Variants in ZNF322 observed in about 807,000 individuals in gnomAD.
ZNF322 encodes the protein HLA complex group 12.
Under a neutral mutation model 18.3 loss-of-function variants are expected in ZNF322, and 1 was observed. The observed-to-expected ratio is 0.05, with a 90% CI of 0.02 to 0.26. The LOEUF is 0.26. Among genes scored for constraint, ZNF322 ranks in the 10% least tolerant of loss-of-function variants. ZNF322 has a pLI of 1.00. For synonymous variants in ZNF322, 17 were observed against 130.7 expected (o/e 0.13, Z 5.93); for missense variants, 36 against 403.6 (o/e 0.09, Z 7.80).
At position 26,649,836 on chromosome 6, in the gene ZNF322, T is replaced by A. The variant is rs557213236; in HGVS notation, c.-245-6108A>T. Among the ~76,000 whole-genome samples, 13 of 150,526 alleles carry A rather than the reference T, an allele frequency of 8.6e-5. No individual in the cohort carries two copies. In the East Asian group the frequency reaches 2.2e-3, roughly 25 times the overall value. On this transcript the variant is annotated intron_variant, in intron 2 of 3. Transcript: ENST00000415922. ...CTCCTGCCTCAGCCTCCTGAGTAGC[T>A]GGGATTGCAGGCATGCACCACCATG...
At chr6:26,649,675 G>GTGTGTGTA (rs1465971500) in intron 2 of ZNF322, among the ~76,000 whole-genome samples, 13 of 22,950 alleles carry the variant, frequency 5.7e-4, no homozygotes, top group Non-Finnish European at 7.7e-4. Context: ...GTGTGTGTGT[G>GTGTGTGTA]TATATATATA....
rs1364184398 is a variant in ZNF322 at position 26,649,681 on chromosome 6, A to T, written c.-245-5953T>A. 2.3e-3 allele frequency among the ~76,000 whole-genome samples: 78 copies of T among 33,602 alleles called. 3 individuals carry two copies. Among genetic ancestry groups the T allele is most frequent in the African/African-American group, 0.01 (71 of 6,982 alleles). 22.0% of individuals were successfully genotyped at this position (33,602 alleles called of 152,430 possible). A position where few individuals can be genotyped will look rare whatever the true frequency, so the allele number is the denominator to read the frequency against. ...TGTGTGTGTGTGTGTGTGTGTATATATATATATATATATATATATATTTTT... is the reference window on the plus strand; with the variant it reads ...TGTGTGTGTGTGTGTGTGTGTATATTTATATATATATATATATATATTTTT... On this transcript the variant is annotated intron_variant, in intron 2 of 3. Transcript: ENST00000415922.
At chr6:26,644,888 CAT>C (rs1198081776) in intron 2 of ZNF322, among the ~76,000 whole-genome samples, 3 of 152,104 alleles carry the variant, frequency 2.0e-5, no homozygotes, top group Non-Finnish European at 4.4e-5. Context: ...CCTATGTAAA[CAT>C]GTGCTATACC....
At chr6:26,639,166 T>G (rs1554148098) in intron 3 of ZNF322, among the ~76,000 whole-genome samples, 4 of 152,200 alleles carry the variant, frequency 2.6e-5, no homozygotes, top group African/African-American at 9.6e-5. Flanking sequence ...TTTCTATGAC[T>G]CTAATTCGTA....
intron 2 of ZNF322, among the ~76,000 whole-genome samples, chr6:26,647,399 T>C (rs1765575897): frequency 6.6e-6 from 1 of 151,456 alleles, no homozygotes; most frequent in Admixed American, 6.6e-5. Flanking sequence ...TTTGTAAAAC[T>C]TAAAGAAACA....
intron 2 of ZNF322, among the ~76,000 whole-genome samples, chr6:26,653,523 A>T (rs1554149418): frequency 6.6e-6 from 1 of 152,242 alleles, no homozygotes; most frequent in South Asian, 2.1e-4. Context: ...CACATAATGG[A>T]GTACTATGCA....
intron 2 of ZNF322, chr6:26,650,481 T>A (rs1192123899): frequency 6.6e-6 from 1 of 152,050 alleles, no homozygotes; most frequent in Non-Finnish European, 1.5e-5. Context: ...GGTATAGAGA[T>A]TAGGAAGGAA....
intron 2 of ZNF322, among the ~76,000 whole-genome samples, chr6:26,645,761 G>A (rs1468937242): frequency 2.6e-5 from 4 of 152,086 alleles, no homozygotes; most frequent in African/African-American, 4.8e-5. Flanking sequence ...GTCAGGTGCG[G>A]TGGCTCACGC....
chr6:26,657,250 CAA>C (rs113013082), intron 2 of ZNF322, among the ~76,000 whole-genome samples: 8 of 127,966 alleles, frequency 6.3e-5, no homozygotes, highest in South Asian at 2.7e-4. Context: ...GACTCCATCT[CAA>C]AAAAAAAAAA....
intron 2 of ZNF322, among the ~76,000 whole-genome samples, chr6:26,646,965 C>T (rs1189750301): frequency 6.6e-6 from 1 of 152,076 alleles, no homozygotes; most frequent in African/African-American, 2.4e-5. Flanking sequence ...TTATATATTA[C>T]AATCTATGGG....
intron 2 of ZNF322, chr6:26,651,601 C>A (rs1351808364): frequency 6.6e-6 from 1 of 152,032 alleles, no homozygotes; most frequent in Admixed American, 6.6e-5. Context: ...TATGTTCTCA[C>A]CACAAGAAAT....
intron 2 of ZNF322, among the ~76,000 whole-genome samples, chr6:26,656,470 G>T (rs1434228134): frequency 6.6e-6 from 1 of 152,142 alleles, no homozygotes; most frequent in Non-Finnish European, 1.5e-5. Flanking sequence ...TGATTCTTGT[G>T]CAAAGCCTTG....
At chr6:26,651,650 C>T (rs1458081492) in intron 2 of ZNF322, among the ~76,000 whole-genome samples, 1 of 152,000 alleles carries the variant, frequency 6.6e-6, no homozygotes, top group Non-Finnish European at 1.5e-5. Flanking sequence ...CTTGATTTAG[C>T]CAGTCCACAA....
At chr6:26,656,673 A>G (rs1433266356) in intron 2 of ZNF322, among the ~76,000 whole-genome samples, 1 of 152,144 alleles carries the variant, frequency 6.6e-6, no homozygotes, top group Non-Finnish European at 1.5e-5. Context: ...GGGGTTCATA[A>G]AAGGTTTTGT....
At chr6:26,653,790 T>C (rs1765715581) in intron 2 of ZNF322, among the ~76,000 whole-genome samples, 1 of 152,178 alleles carries the variant, frequency 6.6e-6, no homozygotes, top group South Asian at 2.1e-4. Context: ...AAGAGTCACA[T>C]TTCTCTGAGA....
intron 3 of ZNF322, among the ~76,000 whole-genome samples, chr6:26,639,067 G>T (rs559919898): frequency 6.6e-6 from 1 of 152,182 alleles, no homozygotes; most frequent in South Asian, 2.1e-4. Context: ...GACAGTGAAT[G>T]AGTATCTCTG....
At position 26,649,703 on chromosome 6, in the gene ZNF322, T is replaced by TATATATA. The variant is rs1561925009; in HGVS notation, c.-245-5976_-245-5975insTATATAT. ...TATATATATATATATATATATATAT[T>TATATATA]TTTTTTTTTTTTTTTTTGAGACTGA... On this transcript the variant is annotated intron_variant, in intron 2 of 3. Coordinates refer to ENST00000415922, the MANE Select transcript of ZNF322 (RefSeq NM_024639.5). Among the ~76,000 whole-genome samples the TATATATA allele has an allele frequency of 3.0e-4, 30 of 98,898 alleles. 1 individual carries two copies. The highest frequency in any genetic ancestry group is 5.2e-4 in the East Asian group (2 of 3,848). The allele number at this position is 98,898 out of a possible 152,430, so 64.9% of individuals were successfully genotyped here. A position where few individuals can be genotyped will look rare whatever the true frequency, so the allele number is the denominator to read the frequency against.
chr6:26,649,500 AATG>A (rs1554148955), intron 2 of ZNF322, among the ~76,000 whole-genome samples: 1 of 151,818 alleles, frequency 6.6e-6, no homozygotes, highest in Admixed American at 6.6e-5. Context: ...TATACATGGA[AATG>A]ATAAGATACT....
At chr6:26,639,034 C>G (rs1765419922) in intron 3 of ZNF322, among the ~76,000 whole-genome samples, 1 of 152,146 alleles carries the variant, frequency 6.6e-6, no homozygotes, top group African/African-American at 2.4e-5. Context: ...TATGCCTGCT[C>G]ATGAAGAAAG....
Sources: allele counts gnomAD v4.1 joint callset (sites outside exome capture counted in the v4.1 genomes callset), GRCh38; gene constraint gnomAD v4.1.1; transcripts MANE v1.5; gene names NCBI Gene and HGNC (gene_info 2026-07-23, HGNC 2026-07-21).